Variants in PDE4D observed in about 807,000 individuals in gnomAD.
The protein encoded by PDE4D is phosphodiesterase 4D.
PDE4D carries 24 observed loss-of-function variants against 87.4 expected under a neutral mutation model. The observed-to-expected ratio is 0.27, with a 90% confidence interval of 0.20 to 0.39. The LOEUF is 0.39. Among genes scored for constraint, PDE4D ranks in the 10% least tolerant of loss-of-function variants. PDE4D has a pLI of 1.00. For synonymous variants in PDE4D, 384 were observed against 383.2 expected, an observed-to-expected ratio of 1.00 and a Z score of -0.02; for missense variants, 714 against 1,041.0, an observed-to-expected ratio of 0.69 and a Z score of 4.32.
At chr5:60,046,875 G>C (rs994789753) in intron 2 of PDE4D, among the ~76,000 whole-genome samples, 7 of 152,200 alleles carry the variant, frequency 4.6e-5, no homozygotes, top group Non-Finnish European at 8.8e-5. Context: ...GATGATGCTG[G>C]CCTCATCAAA....
At chr5:59,855,870 GA>G (rs1745349544) in intron 1 of PDE4D, among the ~76,000 whole-genome samples, 1 of 152,078 alleles carries the variant, frequency 6.6e-6, no homozygotes, top group Non-Finnish European at 1.5e-5. Context: ...TTTAAACTAT[GA>G]GTCAAGTATT....
At chr5:59,410,741 G>T (rs114978482) in intron 1 of PDE4D, among the ~76,000 whole-genome samples, 6,377 of 151,976 alleles carry the variant, frequency 0.042, 229 homozygotes, top group South Asian at 0.18. Context: ...GCATCCATTT[G>T]TCTGTCGATG....
At chr5:59,673,405 C>T (rs1747542957) in intron 1 of PDE4D, among the ~76,000 whole-genome samples, 2 of 152,180 alleles carry the variant, frequency 1.3e-5, no homozygotes, top group African/African-American at 4.8e-5. Flanking sequence ...CTCTTAGAGG[C>T]ATGCTTCACT....
intron 1 of PDE4D, among the ~76,000 whole-genome samples, chr5:59,715,157 G>A (rs1462434535): frequency 6.6e-6 from 1 of 152,186 alleles, no homozygotes; most frequent in Non-Finnish European, 1.5e-5. Flanking sequence ...ATAGCAGGAT[G>A]GATGTGTTCA....
At chr5:59,525,070 A>G (rs1812852528) in intron 1 of PDE4D, among the ~76,000 whole-genome samples, 1 of 152,248 alleles carries the variant, frequency 6.6e-6, no homozygotes, top group Non-Finnish European at 1.5e-5. Context: ...CCACTGGGGC[A>G]CTGCATAGTG....
At chr5:59,355,620 C>T (rs1049195053) in intron 1 of PDE4D, among the ~76,000 whole-genome samples, 6 of 152,040 alleles carry the variant, frequency 3.9e-5, no homozygotes, top group Admixed American at 2.6e-4. Context: ...ACAAATAAAT[C>T]ATTATTTTAT....
chr5:59,301,501 A>C (rs977479249), intron 1 of PDE4D, among the ~76,000 whole-genome samples: 1 of 152,210 alleles, frequency 6.6e-6, no homozygotes, highest in Non-Finnish European at 1.5e-5. Flanking sequence ...AAGTGTCTGA[A>C]GCCGGTAAAG....
intron 5 of PDE4D, among the ~76,000 whole-genome samples, chr5:59,083,120 A>T (rs1767062466): frequency 6.6e-6 from 1 of 152,114 alleles, no homozygotes. Context: ...TTGTCTTAAC[A>T]CTTGATAGTT....
At chr5:60,290,249 G>T (rs188017576) in intron 1 of PDE4D, among the ~76,000 whole-genome samples, 12 of 151,984 alleles carry the variant, frequency 7.9e-5, no homozygotes, top group Non-Finnish European at 7.4e-5. Context: ...ATAACAGAAG[G>T]CACAAAGCAC....
intron 1 of PDE4D, among the ~76,000 whole-genome samples, chr5:59,313,374 G>C (rs1317495418): frequency 1.3e-5 from 2 of 152,144 alleles, no homozygotes; most frequent in East Asian, 3.9e-4. Flanking sequence ...CTTTTGAGTA[G>C]GAATATACTT....
chr5:60,294,202 T>G (rs1244529428), intron 1 of PDE4D, among the ~76,000 whole-genome samples: 1 of 152,194 alleles, frequency 6.6e-6, no homozygotes, highest in Non-Finnish European at 1.5e-5. Flanking sequence ...CACTCTTTAC[T>G]GTGTTCATTG....
intron 5 of PDE4D, among the ~76,000 whole-genome samples, chr5:59,054,355 C>A (rs576302110): frequency 6.6e-6 from 1 of 152,104 alleles, no homozygotes; most frequent in African/African-American, 2.4e-5. Flanking sequence ...TATACTATAA[C>A]CTGGTAGATT....
chr5:59,056,807 C>T (rs970787007), intron 5 of PDE4D, among the ~76,000 whole-genome samples: 1 of 152,096 alleles, frequency 6.6e-6, no homozygotes, highest in African/African-American at 2.4e-5. Flanking sequence ...GCATAGTACT[C>T]CATGGTGTAT....
chr5:60,200,828 C>T (rs1741815854), intron 1 of PDE4D, among the ~76,000 whole-genome samples: 1 of 152,030 alleles, frequency 6.6e-6, no homozygotes, highest in Non-Finnish European at 1.5e-5. Context: ...TAGTAAGAAA[C>T]CTATTAATAT....
intron 1 of PDE4D, among the ~76,000 whole-genome samples, chr5:59,492,865 T>C (rs1806467175): frequency 6.6e-6 from 1 of 152,080 alleles, no homozygotes; most frequent in Non-Finnish European, 1.5e-5. Flanking sequence ...AAAGAGGAGT[T>C]CCCCTGCACA....
At chr5:59,762,110 ATG>A (rs1197475939) in intron 1 of PDE4D, among the ~76,000 whole-genome samples, 1 of 151,874 alleles carries the variant, frequency 6.6e-6, no homozygotes, top group African/African-American at 2.4e-5. Context: ...GTATATATAT[ATG>A]TGTGTATATA....
chr5:60,494,573 C>A (rs909694635), intron 1 of PDE4D, among the ~76,000 whole-genome samples: 4 of 152,208 alleles, frequency 2.6e-5, no homozygotes, highest in African/African-American at 9.6e-5. Context: ...CTTCTACCCC[C>A]AGAATAGTCT....
chr5:60,253,462 T>C (rs1748699797), intron 1 of PDE4D, among the ~76,000 whole-genome samples: 1 of 151,852 alleles, frequency 6.6e-6, no homozygotes. Context: ...CTAAAATGTA[T>C]GTGTGTTAAA....
rs542495804 is a variant in PDE4D at position 60,276,706 on chromosome 5, GTTGT to G, written c.-89-91023_-89-91020del. On this transcript the variant is annotated intron_variant, in intron 1 of 16. Transcript: ENST00000502484. ...CTCTGAATCTATTCTGGTTCTGGGG[GTTGT>G]TTAATTTGCGAATCATTCTTAGCTT... Among the ~76,000 whole-genome samples, 27 of 152,140 alleles carry G rather than the reference GTTGT, an allele frequency of 1.8e-4. 2 individuals carry two copies. In the South Asian group the frequency reaches 5.2e-3, roughly 29 times the overall value.
Sources: allele counts gnomAD v4.1 joint callset (sites outside exome capture counted in the v4.1 genomes callset), GRCh38; gene constraint gnomAD v4.1.1; transcripts MANE v1.5; gene names NCBI Gene and HGNC (gene_info 2026-07-23, HGNC 2026-07-21).